The following CELF2 variants were observed in gnomAD, a reference collection of about 807,000 sequenced individuals.
CELF2 encodes CUGBP Elav-like family member 2.
A neutral mutation model predicts 62.6 loss-of-function variants in CELF2; 8 were observed. The ratio of observed to expected loss-of-function variants is 0.13; its 90% CI spans 0.07 to 0.23. The LOEUF (loss-of-function observed/expected upper bound fraction) is 0.23. Ranked by LOEUF, CELF2 falls within the 10% of genes least tolerant of loss-of-function variation. CELF2 has a pLI of 1.00. For synonymous variants in CELF2, 258 were observed against 250.0 expected (o/e 1.03, Z -0.30); for missense variants, 333 against 671.0 (o/e 0.50, Z 5.56).
rs1480517888 is a variant in CELF2, at chr10:11,039,663, T to C, written c.74+21500T>C. 3.3e-5 allele frequency among the ~76,000 whole-genome samples: 5 copies of C among 152,346 alleles called. No individual in the cohort carries two copies. In the South Asian group the frequency reaches 6.2e-4, roughly 19 times the overall value. Reference sequence around the variant, plus strand: ...CCATTTAAAGCCACTCAATGGAAGATAGGTTAAGTGTACTTCATAATTTTG... The same window carrying C: ...CCATTTAAAGCCACTCAATGGAAGACAGGTTAAGTGTACTTCATAATTTTG... On this transcript the variant is annotated intron_variant, in intron 1 of 12. Coordinates refer to ENST00000633077, the MANE Select transcript of CELF2 (RefSeq NM_001326342.2). This position sits in a 1 kb window ranked among gnomAD's most constrained non-coding sequence, Gnocchi z 4.1.
chr10:10,462,615 C>CTTTTTTT, the CELF2 span, among the ~76,000 whole-genome samples: 3 of 69,414 alleles, frequency 4.3e-5, no homozygotes, highest in African/African-American at 1.1e-4. Context: ...TTTTTTTCAT[C>CTTTTTTT]TTTTTTTTTT....
At chr10:11,288,370 A>G in intron 8 of CELF2, 48 bp from the exon 9 acceptor site, 2 of 1,605,584 alleles carry the variant, frequency 1.2e-6, no homozygotes, top group South Asian at 1.1e-5. Context: ...TGGAAACTGT[A>G]GAAGTGTGAG....
rs1301046382 is a variant in CELF2, at chr10:10,938,433, G to A, written c.89+18434G>A. The stretch of plus-strand genomic sequence containing the variant: ...ATAATTCTTTCAGAGAATATGCCTG[G>A]GTTTTTGTGTCCTTCAAATTTCGTT... On this transcript the variant is annotated intron_variant, in intron 2 of 13. Coordinates refer to the CELF2 transcript ENST00000636488. The surrounding 1 kb of genome is among the most constrained non-coding windows in gnomAD (Gnocchi z 4.2). 6.6e-6 allele frequency among the ~76,000 whole-genome samples: 1 copy of A among 152,158 alleles called. No homozygotes were observed. Among genetic ancestry groups the A allele is most frequent in the Non-Finnish European group, 1.5e-5 (1 of 68,028 alleles).
At chr10:10,896,621 G>A (rs796803017) in intron 1 of CELF2, among the ~76,000 whole-genome samples, 82 of 152,134 alleles carry the variant, frequency 5.4e-4, no homozygotes, top group African/African-American at 1.8e-3. Context: ...CAACAGAGGC[G>A]GAGACTCTAG....
chr10:11,330,580 A>G lies in CELF2; in HGVS notation c.*1527A>G, dbSNP rs1240707255. The G allele has an allele frequency of 6.6e-6, 1 of 152,364 alleles. No individual in the cohort carries two copies. Among genetic ancestry groups the G allele is most frequent in the Non-Finnish European group, 1.5e-5 (1 of 68,010 alleles). 9.4% of individuals were successfully genotyped at this position (152,364 alleles called of 1,614,324 possible). A position where few individuals can be genotyped will look rare whatever the true frequency, so the allele number is the denominator to read the frequency against. ...ACCTCACATCATATTTGGTTCTCCT[A>G]CTGACCTTTGATCTAGTTTGACCTT... On this transcript the variant is annotated 3_prime_UTR_variant, in exon 13 of 13. Transcript: ENST00000633077. The surrounding 1 kb of genome is among the most constrained non-coding windows in gnomAD (Gnocchi z 4.5).
chr10:10,516,091 C>A, the CELF2 span, among the ~76,000 whole-genome samples: 2 of 152,020 alleles, frequency 1.3e-5, no homozygotes, highest in Admixed American at 1.3e-4. Context: ...TGGTGACTGG[C>A]GTTTGCTAGG....
chr10:10,586,227 G>A, the CELF2 span, among the ~76,000 whole-genome samples: 1 of 152,060 alleles, frequency 6.6e-6, no homozygotes, highest in African/African-American at 2.4e-5. Flanking sequence ...ACTTGCAACA[G>A]GGAAAATAGG....
chr10:10,558,360 C>A, the CELF2 span, among the ~76,000 whole-genome samples: 1 of 151,118 alleles, frequency 6.6e-6, no homozygotes, highest in Non-Finnish European at 1.5e-5. Context: ...TATATTGAAC[C>A]AGCCTTGCAT....
chr10:11,104,546 G>A (rs1204237054), intron 1 of CELF2, among the ~76,000 whole-genome samples: 2 of 152,190 alleles, frequency 1.3e-5, no homozygotes, highest in Admixed American at 6.5e-5. Context: ...AGCCAGGTGT[G>A]TGGTGTGTGC....
intron 1 of CELF2, among the ~76,000 whole-genome samples, chr10:10,888,591 C>T (rs1204974413): frequency 6.6e-6 from 1 of 152,198 alleles, no homozygotes; most frequent in African/African-American, 2.4e-5. Flanking sequence ...CCTCATTCAG[C>T]AACTATTCTC....
intron 1 of CELF2, among the ~76,000 whole-genome samples, chr10:11,108,702 C>A (rs752901415): frequency 3.9e-5 from 6 of 152,186 alleles, no homozygotes; most frequent in Non-Finnish European, 7.3e-5. Flanking sequence ...TTTCCTGTTT[C>A]CCCACGTCTC....
chr10:11,239,156 GT>G (rs1264098340), intron 3 of CELF2, among the ~76,000 whole-genome samples: 1 of 152,164 alleles, frequency 6.6e-6, no homozygotes, highest in Non-Finnish European at 1.5e-5. Context: ...TCCACCCAGA[GT>G]AATCTAGTTT....
the CELF2 span, among the ~76,000 whole-genome samples, chr10:10,527,714 G>A: frequency 6.6e-6 from 1 of 152,154 alleles, no homozygotes; most frequent in Non-Finnish European, 1.5e-5. Context: ...TCCAATAGGT[G>A]ACAACAGTTC....
the CELF2 span, among the ~76,000 whole-genome samples, chr10:10,651,756 C>A: frequency 2.6e-5 from 4 of 151,782 alleles, no homozygotes; most frequent in African/African-American, 4.8e-5. Context: ...GTAGATAAAA[C>A]CACAAAGATG....
intron 1 of CELF2, among the ~76,000 whole-genome samples, chr10:11,161,183 T>C (rs1000948950): frequency 9.9e-5 from 15 of 152,256 alleles, no homozygotes; most frequent in Admixed American, 9.2e-4. Flanking sequence ...CCGAACAAGA[T>C]TTCATTTTCA....
chr10:11,234,284 C>T (rs2070131785), intron 3 of CELF2, among the ~76,000 whole-genome samples: 1 of 152,130 alleles, frequency 6.6e-6, no homozygotes, highest in South Asian at 2.1e-4. Context: ...TTGTCAGAGC[C>T]CGGCTTAACA....
At chr10:11,222,580 C>T (rs955284891) in intron 3 of CELF2, among the ~76,000 whole-genome samples, 2 of 152,144 alleles carry the variant, frequency 1.3e-5, no homozygotes, top group Non-Finnish European at 2.9e-5. Context: ...ATGTATTGAA[C>T]GTTTATTGTT....
At position 11,145,568 on chromosome 10, in the gene CELF2, G is replaced by T. The variant is rs2062113234; in HGVS notation, c.75-19918G>T. Among the ~76,000 whole-genome samples, 1 of 152,208 alleles carries T rather than the reference G, an allele frequency of 6.6e-6. No homozygotes were observed. Among genetic ancestry groups the T allele is most frequent in the Non-Finnish European group, 1.5e-5 (1 of 68,048 alleles). On this transcript the variant is annotated intron_variant, in intron 1 of 12. Coordinates refer to ENST00000633077, the MANE Select transcript of CELF2 (RefSeq NM_001326342.2). This position sits in a 1 kb window ranked among gnomAD's most constrained non-coding sequence, Gnocchi z 4.3. ...AATCTATATTCTCAAATCAGCTACT[G>T]AAAAGGGTGGGGACGCTGAAGGCAG...
At chr10:10,556,278 T>C in the CELF2 span, among the ~76,000 whole-genome samples, 3,924 of 150,326 alleles carry the variant, frequency 0.026, 147 homozygotes, top group East Asian at 0.13. Flanking sequence ...TGACAATATC[T>C]GGTGTTTGGT....
Sources: allele counts gnomAD v4.1 joint callset (sites outside exome capture counted in the v4.1 genomes callset), GRCh38; gene constraint gnomAD v4.1.1; non-coding constraint Gnocchi (gnomAD v3.1); transcripts MANE v1.5; gene names NCBI Gene and HGNC (gene_info 2026-07-23, HGNC 2026-07-21).